The following SORL1 variants were observed in gnomAD, a reference collection of about 807,000 sequenced individuals.
SORL1 encodes sortilin-related receptor.
A neutral mutation model predicts 273.7 loss-of-function variants in SORL1; 127 were observed. The observed-to-expected ratio is 0.46, with a 90% CI of 0.40 to 0.54. The LOEUF is 0.54. Among genes scored for constraint, SORL1 ranks in the 20% least tolerant of loss-of-function variants. The pLI is 0.00. For missense variants in SORL1, 2,494 were observed against 2,846.1 expected (o/e 0.88, Z 2.81); for synonymous variants, 1,031 against 1,067.4 (o/e 0.97, Z 0.66).
chr11:121,514,175 C>T lies in SORL1; in HGVS notation c.1065C>T (p.Ser355=), dbSNP rs142899731. 33 of 1,613,492 alleles carry T rather than the reference C, an allele frequency of 2.0e-5. No individual in the cohort carries two copies. In the African/African-American group the frequency reaches 2.3e-4, roughly 11 times the overall value. Residue 355 remains serine (S), a synonymous_variant, in exon 8 of 48, where the codon TCC becomes TCT. Transcript: ENST00000260197. ...PINEYYIADA[S]EDQVFVCVSH... ...AGGAATATTACATCGCAGATGCCTC[C>T]GAGGACCAGGTGTTTGTGTGTGTCA... is the stretch of plus-strand genomic sequence containing the variant.
At position 121,452,659 on chromosome 11, in the gene SORL1, C is replaced by T. The variant is rs1281458176; in HGVS notation, c.285+43C>T. The T allele has an allele frequency of 2.1e-6, 3 of 1,396,516 alleles. No homozygotes were observed. Among genetic ancestry groups the T allele is most frequent in the South Asian group, 1.5e-5 (1 of 64,766 alleles). 86.5% of individuals were successfully genotyped at this position (1,396,516 alleles called of 1,614,324 possible). A position where few individuals can be genotyped will look rare whatever the true frequency, so the allele number is the denominator to read the frequency against. On this transcript the variant is annotated intron_variant, in intron 1 of 47. Transcript: ENST00000260197. The surrounding 1 kb of genome is among the most constrained non-coding windows in gnomAD (Gnocchi z 5.3). ...CCGCCTCCCTCCAGTTTTTTCCTCT[C>T]CCTGCACTTCCTCACCCCCGCATCC...
At chr11:121,495,321 A>G (rs1251530509) in intron 5 of SORL1, among the ~76,000 whole-genome samples, 1 of 152,118 alleles carries the variant, frequency 6.6e-6, no homozygotes, top group Non-Finnish European at 1.5e-5. Context: ...CTTGGGTTCA[A>G]ATGGTCCCCC....
intron 42 of SORL1, 67 bp from the exon 43 acceptor site, chr11:121,619,686 A>G: frequency 8.3e-7 from 1 of 1,203,278 alleles, no homozygotes; most frequent in Non-Finnish European, 1.2e-6. Context: ...TGTTGAAAAA[A>G]TACTTTAATA....
rs79543822 is a variant in SORL1, at chr11:121,454,906, T to C, written c.285+2290T>C. On this transcript the variant is annotated intron_variant, in intron 1 of 47. Coordinates refer to ENST00000260197, the MANE Select transcript of SORL1 (RefSeq NM_003105.6). Reference sequence around the variant, plus strand: ...CCCTGGGGCAGACCTGGTTTCTAAGTTGTCTCTGGTGGTTATGAATAGCAC... The same window carrying C: ...CCCTGGGGCAGACCTGGTTTCTAAGCTGTCTCTGGTGGTTATGAATAGCAC... Among the ~76,000 whole-genome samples, 1,370 of 152,240 alleles carry C rather than the reference T, an allele frequency of 9.0e-3. 45 individuals carry two copies. Among genetic ancestry groups the C allele is most frequent in the Admixed American group, 0.067 (1,031 of 15,288 alleles).
At chr11:121,495,659 C>T (rs1861618820) in intron 5 of SORL1, among the ~76,000 whole-genome samples, 1 of 152,052 alleles carries the variant, frequency 6.6e-6, no homozygotes, top group African/African-American at 2.4e-5. Flanking sequence ...TTCCCATGGC[C>T]TTGGTGTTCT....
At chr11:121,523,086 A>G in intron 11 of SORL1, 97 bp downstream of exon 11, 1 of 830,146 alleles carries the variant, frequency 1.2e-6, no homozygotes, top group Non-Finnish European at 2.1e-6. Context: ...CAAATGGTCC[A>G]TGGCAGAGAC....
chr11:121,493,364 C>G (rs891718426), intron 5 of SORL1, among the ~76,000 whole-genome samples: 2 of 152,168 alleles, frequency 1.3e-5, no homozygotes, highest in African/African-American at 4.8e-5. Flanking sequence ...TCAAGTGATT[C>G]TCCTGTCTCA....
intron 39 of SORL1, 101 bp downstream of exon 39, chr11:121,611,259 A>T (rs893813023): frequency 4.5e-5 from 37 of 815,734 alleles, no homozygotes; most frequent in Non-Finnish European, 7.2e-5. Flanking sequence ...AAAAAACAAA[A>T]AACAAAAAAA....
rs1476735070 is a variant in SORL1, at chr11:121,496,994, A to G, written c.884A>G (p.Glu295Gly). 6.2e-7 allele frequency: 1 copy of G among 1,614,110 alleles called. No homozygotes were observed. The highest frequency in any genetic ancestry group is 1.3e-5 in the African/African-American group (1 of 75,026). The change falls in exon 6 of 48, where the codon GAG becomes GGG. Residue 295 changes from glutamate to glycine, a missense_variant. By Grantham distance (98) the Glu-to-Gly change is moderately conservative (BLOSUM62 -2). Coordinates refer to ENST00000260197, the MANE Select transcript of SORL1 (RefSeq NM_003105.6). The stretch of plus-strand genomic sequence containing the variant: ...CGGGAAAACCAGGAAGTGATCCTTG[A>G]GGAAGTGAGAGATTTTCAGCTTCGG... ...QSRENQEVIL[E>G]EVRDFQLRDK...
chr11:121,526,147 G>A (rs1862120537), intron 11 of SORL1, among the ~76,000 whole-genome samples: 1 of 151,928 alleles, frequency 6.6e-6, no homozygotes, highest in South Asian at 2.1e-4. Context: ...ATGATATATG[G>A]GTAGATACTC....
chr11:121,467,393 C>T (rs1861100514), intron 1 of SORL1, among the ~76,000 whole-genome samples: 1 of 152,240 alleles, frequency 6.6e-6, no homozygotes, highest in African/African-American at 2.4e-5. Flanking sequence ...ACCTTTTGCC[C>T]ACTCTGATCA....
At position 121,566,795 on chromosome 11, in the gene SORL1, G is replaced by C; in HGVS notation, c.3050-145G>C. On this transcript the variant is annotated intron_variant, in intron 21 of 47. Coordinates refer to ENST00000260197, the MANE Select transcript of SORL1 (RefSeq NM_003105.6). ...AGCAGAAGTTTTCAGCACAGTAGGC[G>C]CCCCAAAGCTTGCCACTTGACCCTT... is the stretch of plus-strand genomic sequence containing the variant. The C allele has an allele frequency of 4.3e-6, 3 of 697,398 alleles. No homozygotes were observed. The South Asian group carries it at 5.8e-5, about 14-fold the overall frequency. 43.2% of individuals were successfully genotyped at this position (697,398 alleles called of 1,614,324 possible).
intron 28 of SORL1, 116 bp downstream of exon 28, chr11:121,588,267 G>T (rs1214987758): frequency 5.6e-6 from 7 of 1,252,854 alleles, no homozygotes; most frequent in African/African-American, 1.5e-5. Flanking sequence ...GTTGAGTGTC[G>T]AGGGTTTGAC....
chr11:121,583,528 G>A lies in SORL1; in HGVS notation c.3651G>A (p.Ala1217=), dbSNP rs750218881. 1.1e-5 allele frequency: 18 copies of A among 1,612,624 alleles called. 1 individual carries two copies. The highest frequency in any genetic ancestry group is 6.7e-5 in the Admixed American group (4 of 59,858). The change falls in exon 26 of 48, where the codon GCG becomes GCA. Residue 1217 remains alanine, a synonymous_variant. Transcript: ENST00000260197. ...RNGHCIPQRW[A]CDGDTDCQDG... ...GGCACTGCATCCCCCAGCGGTGGGC[G>A]TGTGACGGGGATACGGACTGCCAGG... is the stretch of plus-strand genomic sequence containing the variant.
chr11:121,608,830 C>T (rs1459774532), intron 38 of SORL1: 1 of 152,504 alleles, frequency 6.6e-6, no homozygotes, highest in African/African-American at 2.4e-5. Flanking sequence ...ACTCCAAAGC[C>T]TGTGCTCTTA....
At position 121,452,665 on chromosome 11, in the gene SORL1, A is replaced by C. The variant is rs186407010; in HGVS notation, c.285+49A>C. On this transcript the variant is annotated intron_variant, in intron 1 of 47. Coordinates refer to ENST00000260197, the MANE Select transcript of SORL1 (RefSeq NM_003105.6). This position sits in a 1 kb window ranked among gnomAD's most constrained non-coding sequence, Gnocchi z 5.3. The stretch of plus-strand genomic sequence containing the variant: ...CCCTCCAGTTTTTTCCTCTCCCTGC[A>C]CTTCCTCACCCCCGCATCCATCCGT... 30 of 1,387,856 alleles carry C rather than the reference A, an allele frequency of 2.2e-5. No individual in the cohort carries two copies. In the East Asian group the frequency reaches 8.9e-4, roughly 41 times the overall value. 86.0% of individuals were successfully genotyped at this position (1,387,856 alleles called of 1,614,324 possible).
chr11:121,542,236 C>T (rs1862358507), intron 12 of SORL1, among the ~76,000 whole-genome samples: 1 of 152,156 alleles, frequency 6.6e-6, no homozygotes, highest in South Asian at 2.1e-4. Context: ...TTAACATGAA[C>T]TCGGTATGAC....
intron 11 of SORL1, among the ~76,000 whole-genome samples, chr11:121,525,263 G>T (rs1258845249): frequency 6.6e-6 from 1 of 152,200 alleles, no homozygotes; most frequent in Non-Finnish European, 1.5e-5. Context: ...ACATCACGAT[G>T]ATTTTGGGTT....
chr11:121,617,817 A>G (rs778423549), intron 41 of SORL1, among the ~76,000 whole-genome samples: 22 of 152,162 alleles, frequency 1.4e-4, no homozygotes, highest in Admixed American at 2.6e-4. Flanking sequence ...TCCAACGTTT[A>G]CCAGTTAGGA....
Sources: gnomAD v4.1 joint callset for allele counts (sites outside exome capture counted in the v4.1 genomes callset) on GRCh38, gnomAD v4.1.1 for gene constraint, Gnocchi (gnomAD v3.1) non-coding constraint, MANE v1.5 for transcripts, NCBI Gene and HGNC (gene_info 2026-07-23, HGNC 2026-07-21) for gene names.